Variants in ZNF460 observed in about 807,000 individuals in gnomAD.
ZNF460 encodes zinc finger protein 460.
ZNF460 carries 1 observed loss-of-function variant against 8.4 expected under a neutral mutation model. The ratio of observed to expected loss-of-function variants is 0.12; its 90% confidence interval spans 0.04 to 0.56. The LOEUF is 0.56. Among genes scored for constraint, ZNF460 ranks in the 20% least tolerant of loss-of-function variants. The pLI, the probability that ZNF460 is intolerant of heterozygous loss-of-function variation, is 0.91. For synonymous variants in ZNF460, 262 were observed against 259.9 expected (o/e 1.01, Z -0.08); for missense variants, 477 against 714.8 (o/e 0.67, Z 3.79).
intron 1 of ZNF460, 50 bp from the exon 2 acceptor site, chr19:57,284,501 C>G (rs755026765): frequency 3.8e-6 from 6 of 1,594,528 alleles, no homozygotes; most frequent in Admixed American, 3.6e-5. Flanking sequence ...GGTTCTAATC[C>G]TATTCCACAG....
At position 57,291,630 on chromosome 19, in the gene ZNF460, C is replaced by G; in HGVS notation, c.1089C>G (p.Pro363=). 1 of 1,613,910 alleles carries G rather than the reference C, an allele frequency of 6.2e-7. No homozygotes were observed. Among genetic ancestry groups the G allele is most frequent in the Non-Finnish European group, 8.5e-7 (1 of 1,179,966 alleles). ...QHERIHTGEK[P]FVCSQCGKAF... ...AGCGGATTCACACTGGTGAGAAGCCCTTTGTGTGCAGTCAATGTGGAAAGG... is the reference window on the plus strand; with the variant it reads ...AGCGGATTCACACTGGTGAGAAGCCGTTTGTGTGCAGTCAATGTGGAAAGG... The change falls in exon 3 of 3, where the codon CCC becomes CCG. Residue 363 remains proline, a synonymous_variant. Transcript: ENST00000360338. This position sits in a 1 kb window ranked among gnomAD's most constrained non-coding sequence, Gnocchi z 8.4.
intron 1 of ZNF460, among the ~76,000 whole-genome samples, chr19:57,281,430 G>C (rs2087838071): frequency 6.6e-6 from 1 of 152,014 alleles, no homozygotes; most frequent in Admixed American, 6.6e-5. Context: ...TTGTGGATTT[G>C]AGTTTGTCAA....
intron 1 of ZNF460, among the ~76,000 whole-genome samples, chr19:57,284,320 G>A (rs528630190): frequency 1.1e-4 from 16 of 152,048 alleles, no homozygotes; most frequent in East Asian, 3.9e-4. Context: ...CCGCCTCCCA[G>A]GTTCAAGCAG....
intron 1 of ZNF460, among the ~76,000 whole-genome samples, chr19:57,283,747 G>A (rs1370619039): frequency 6.7e-6 from 1 of 149,112 alleles, no homozygotes; most frequent in African/African-American, 2.5e-5. Context: ...GGTAATTCAT[G>A]TGCCTCAGCC....
At chr19:57,285,227 A>T (rs1674091685) in intron 2 of ZNF460, among the ~76,000 whole-genome samples, 1 of 152,202 alleles carries the variant, frequency 6.6e-6, no homozygotes, top group South Asian at 2.1e-4. Context: ...GGGATGTGTT[A>T]CCAGGAAATG....
At chr19:57,281,006 C>T (rs890448854) in intron 1 of ZNF460, among the ~76,000 whole-genome samples, 170 bp downstream of exon 1, 1 of 152,196 alleles carries the variant, frequency 6.6e-6, no homozygotes, top group African/African-American at 2.4e-5. Flanking sequence ...ACAGTGTTGG[C>T]CTCTGATAGG....
In ZNF460 at chr19:57,291,600, G is replaced by A. The variant is rs368815800; in HGVS notation, c.1059G>A (p.Gln353=). The A allele has an allele frequency of 4.3e-5, 70 of 1,614,060 alleles. No homozygotes were observed. The East Asian group carries it at 1.1e-3, about 25-fold the overall frequency. The change falls in exon 3 of 3, where the codon CAG becomes CAA. Residue 353 remains glutamine (Q), a synonymous_variant. Transcript: ENST00000360338. This position sits in a 1 kb window ranked among gnomAD's most constrained non-coding sequence, Gnocchi z 8.4. ...KAFNCRSHLK[Q]HERIHTGEKP... is the part of the protein sequence containing the mutation. Reference sequence around the variant, plus strand: ...TCAACTGCAGGTCACACCTCAAGCAGCATGAGCGGATTCACACTGGTGAGA... The same window carrying A: ...TCAACTGCAGGTCACACCTCAAGCAACATGAGCGGATTCACACTGGTGAGA...
chr19:57,286,104 T>G (rs1358314374), intron 2 of ZNF460, among the ~76,000 whole-genome samples: 3 of 152,204 alleles, frequency 2.0e-5, no homozygotes, highest in Non-Finnish European at 4.4e-5. Flanking sequence ...AGGCATACGT[T>G]TGTTTCATTG....
chr19:57,284,814 T>A, intron 2 of ZNF460, 137 bp downstream of exon 2: 4 of 252,756 alleles, frequency 1.6e-5, no homozygotes, highest in Non-Finnish European at 2.1e-5. Context: ...CTTTACTCTA[T>A]TTTTTTTTTT....
rs1257225219 is a variant in ZNF460 at position 57,292,723 on chromosome 19, C to CCT, written c.*495_*496dup. On this transcript the variant is annotated 3_prime_UTR_variant, in exon 3 of 3. Transcript: ENST00000360338. ...GGGAAATGTTTCAGAAACAAAAGGG[C>CCT]CTCATCCCCTTTATTTTCCCTGTGT... 1 of 160,106 alleles carries CCT rather than the reference C, an allele frequency of 6.2e-6. No homozygotes were observed. Among genetic ancestry groups the CCT allele is most frequent in the African/African-American group, 2.4e-5 (1 of 41,472 alleles). 9.9% of individuals were successfully genotyped at this position (160,106 alleles called of 1,614,324 possible). A position where few individuals can be genotyped will look rare whatever the true frequency, so the allele number is the denominator to read the frequency against.
At position 57,291,417 on chromosome 19, in the gene ZNF460, C is replaced by T. The variant is rs138133043; in HGVS notation, c.876C>T (p.Arg292=). The T allele has an allele frequency of 1.2e-6, 2 of 1,613,898 alleles. No individual in the cohort carries two copies. The highest frequency in any genetic ancestry group is 1.7e-6 in the Non-Finnish European group (2 of 1,179,906). ...CNECGKAFTY[R]SNFVLHNKSH... ...AATGTGGAAAGGCCTTTACCTACCG[C>T]TCCAATTTTGTCTTGCATAACAAGA... Residue 292 remains arginine (R), a synonymous_variant, in exon 3 of 3, where the codon CGC becomes CGT. Coordinates refer to ENST00000360338, the MANE Select transcript of ZNF460 (RefSeq NM_006635.4). This position sits in a 1 kb window ranked among gnomAD's most constrained non-coding sequence, Gnocchi z 8.4.
chr19:57,285,391 G>C (rs1383618312), intron 2 of ZNF460, among the ~76,000 whole-genome samples: 1 of 152,154 alleles, frequency 6.6e-6, no homozygotes, highest in Non-Finnish European at 1.5e-5. Context: ...GTGGAACGAA[G>C]TGACCGTCTA....
At position 57,290,805 on chromosome 19, in the gene ZNF460, C is replaced by T. The variant is rs758962974; in HGVS notation, c.264C>T (p.Ser88=). 3 of 1,614,068 alleles carry T rather than the reference C, an allele frequency of 1.9e-6. No individual in the cohort carries two copies. Among genetic ancestry groups the T allele is most frequent in the African/African-American group, 2.7e-5 (2 of 74,930 alleles). ...EQLAQGVPRY[S]YLGQAMDQDG... is the part of the protein sequence containing the mutation. ...TGGCACAGGGAGTCCCAAGATACTCCTATTTGGGGCAGGCCATGGATCAAG... is the reference window on the plus strand; with the variant it reads ...TGGCACAGGGAGTCCCAAGATACTCTTATTTGGGGCAGGCCATGGATCAAG... Residue 88 remains serine (S), a synonymous_variant, in exon 3 of 3, where the codon TCC becomes TCT. Transcript: ENST00000360338.
chr19:57,284,450 C>A, intron 1 of ZNF460, 101 bp from the exon 2 acceptor site: 2 of 1,452,990 alleles, frequency 1.4e-6, no homozygotes. Flanking sequence ...GGTGATTTGG[C>A]CTTTGATTCT....
rs998690993 is a variant in ZNF460, at chr19:57,280,564, C to G, written c.-243C>G. 8.5e-6 allele frequency: 5 copies of G among 586,718 alleles called. No individual in the cohort carries two copies. Among genetic ancestry groups the G allele is most frequent in the Admixed American group, 3.0e-5 (1 of 33,056 alleles). 36.3% of individuals were successfully genotyped at this position (586,718 alleles called of 1,614,324 possible). ...GACGGGTAGTGAAGCGGTTACGCCC[C>G]TTCTTCGCGTCTTGGCGGGAGCCTG... On this transcript the variant is annotated 5_prime_UTR_variant, in exon 1 of 3. Transcript: ENST00000360338.
rs772580736 is a variant in ZNF460, at chr19:57,292,242, A to C, written c.*12A>C. ...CCCTACCATTGTAACAGATGTGGAA[A>C]GACTTTTTACGTACACTTCAGTCAA... On this transcript the variant is annotated 3_prime_UTR_variant, in exon 3 of 3. Coordinates refer to ENST00000360338, the MANE Select transcript of ZNF460 (RefSeq NM_006635.4). 6.3e-7 allele frequency: 1 copy of C among 1,599,694 alleles called. No homozygotes were observed. The highest frequency in any genetic ancestry group is 1.1e-5 in the South Asian group (1 of 90,312).
intron 2 of ZNF460, among the ~76,000 whole-genome samples, chr19:57,288,035 G>T (rs1161195930): frequency 6.6e-6 from 1 of 152,068 alleles, no homozygotes; most frequent in Non-Finnish European, 1.5e-5. Flanking sequence ...TTTACTGTTT[G>T]AGTCCCTGTG....
chr19:57,286,049 G>A (rs1444681256), intron 2 of ZNF460, among the ~76,000 whole-genome samples: 1 of 152,094 alleles, frequency 6.6e-6, no homozygotes, highest in African/African-American at 2.4e-5. Context: ...GCAGAAAAGT[G>A]CCTCAATTTT....
chr19:57,280,981 A>G, intron 1 of ZNF460, 145 bp downstream of exon 1: 2 of 1,226,956 alleles, frequency 1.6e-6, no homozygotes, highest in Non-Finnish European at 2.3e-6. Flanking sequence ...CATTTCCTTT[A>G]TCCGCAGTCC....
Sources: allele counts gnomAD v4.1 joint callset (sites outside exome capture counted in the v4.1 genomes callset), GRCh38; gene constraint gnomAD v4.1.1; non-coding constraint Gnocchi (gnomAD v3.1); transcripts MANE v1.5; gene names NCBI Gene and HGNC (gene_info 2026-07-23, HGNC 2026-07-21).